Variants in KMT2C observed in about 807,000 individuals in gnomAD.
KMT2C encodes histone-lysine N-methyltransferase 2C.
Under a neutral mutation model 507.9 loss-of-function variants are expected in KMT2C, and 88 were observed. The ratio of observed to expected loss-of-function variants is 0.17; its 90% confidence interval spans 0.15 to 0.21. The LOEUF (loss-of-function observed/expected upper bound fraction) is 0.21, where lower values mean the gene tolerates loss of function less well. KMT2C is among the 10% of genes least tolerant of loss of function. The pLI, the probability that KMT2C is intolerant of heterozygous loss-of-function variation, is 1.00. For synonymous variants in KMT2C, 2,049 were observed against 2,080.8 expected, an observed-to-expected ratio of 0.98 and a Z score of 0.42; for missense variants, 4,954 against 5,957.8, an observed-to-expected ratio of 0.83 and a Z score of 5.55.
At chr7:152,428,204 G>T (rs1268413945) in intron 1 of KMT2C, among the ~76,000 whole-genome samples, 1 of 152,122 alleles carries the variant, frequency 6.6e-6, no homozygotes, top group African/African-American at 2.4e-5. Context: ...ATAAAGCAGA[G>T]ATTGAGACCT....
At chr7:152,206,066 A>T (rs1393706997) in intron 24 of KMT2C, among the ~76,000 whole-genome samples, 2 of 152,160 alleles carry the variant, frequency 1.3e-5, no homozygotes, top group Non-Finnish European at 2.9e-5. Context: ...AATACTTCTC[A>T]ATGCCTCAGT....
chr7:152,297,912 T>C (rs1468412481), intron 6 of KMT2C, among the ~76,000 whole-genome samples: 2 of 152,188 alleles, frequency 1.3e-5, no homozygotes, highest in East Asian at 1.9e-4. Flanking sequence ...ACTGTTTTTA[T>C]ACATGTATCC....
rs188537151 is a variant in KMT2C at position 152,215,194 on chromosome 7, T to C, written c.3712+5329A>G. ...CATACAACATTATAAATATACCAGG[T>C]GATTCATTGTACTATTCACAGTAAA... On this transcript the variant is annotated intron_variant, in intron 23 of 58. Transcript: ENST00000262189. 8.1e-3 allele frequency among the ~76,000 whole-genome samples: 1,236 copies of C among 151,892 alleles called. 18 individuals carry two copies. Among genetic ancestry groups the C allele is most frequent in the African/African-American group, 0.029 (1,192 of 41,416 alleles).
intron 1 of KMT2C, among the ~76,000 whole-genome samples, chr7:152,373,088 G>A (rs2097303831): frequency 6.6e-6 from 1 of 151,864 alleles, no homozygotes; most frequent in African/African-American, 2.4e-5. Flanking sequence ...AAATCAAAAG[G>A]GAAAATCTGT....
intron 1 of KMT2C, among the ~76,000 whole-genome samples, chr7:152,411,514 A>G (rs2097683236): frequency 4.0e-5 from 6 of 151,224 alleles, no homozygotes; most frequent in Non-Finnish European, 8.8e-5. Flanking sequence ...CCACCTCCAC[A>G]CCATCTATGA....
intron 3 of KMT2C, among the ~76,000 whole-genome samples, chr7:152,319,393 A>G (rs2096750884): frequency 6.6e-6 from 1 of 152,152 alleles, no homozygotes; most frequent in African/African-American, 2.4e-5. Context: ...GGACATAGTG[A>G]GAAGTGACCA....
At chr7:152,340,935 C>G (rs1254458241) in intron 2 of KMT2C, among the ~76,000 whole-genome samples, 1 of 152,118 alleles carries the variant, frequency 6.6e-6, no homozygotes, top group African/African-American at 2.4e-5. Flanking sequence ...GTCAACTGTT[C>G]TCTAGGTGTT....
chr7:152,414,990 A>G (rs555350728), intron 1 of KMT2C, among the ~76,000 whole-genome samples: 346 of 152,190 alleles, frequency 2.3e-3, no homozygotes, highest in Non-Finnish European at 3.6e-3. Context: ...CTGAGGCAAC[A>G]GGTGCATACC....
chr7:152,325,954 T>G (rs1204574296), intron 3 of KMT2C, among the ~76,000 whole-genome samples: 2 of 151,952 alleles, frequency 1.3e-5, no homozygotes, highest in East Asian at 3.9e-4. Context: ...TCTAGCACAA[T>G]TGTTGAAAGA....
chr7:152,190,426 G>T (rs180832892), intron 31 of KMT2C, among the ~76,000 whole-genome samples: 1 of 152,216 alleles, frequency 6.6e-6, no homozygotes, highest in East Asian at 1.9e-4. Flanking sequence ...TTTATGCTAT[G>T]CTAAGCACTG....
At position 152,187,606 on chromosome 7, in the gene KMT2C, A is replaced by T. The variant is rs2093663971; in HGVS notation, c.4793+109T>A. The T allele has an allele frequency of 2.1e-6, 3 of 1,447,222 alleles. No individual in the cohort carries two copies. The African/African-American group carries it at 4.3e-5, about 21-fold the overall frequency. The allele number at this position is 1,447,222 out of a possible 1,614,324, so 89.6% of individuals were successfully genotyped here. ...CATATTTATAGCAAAAGCCACAATA[A>T]ACGCAACATACAATAATATCATACA... On this transcript the variant is annotated intron_variant, in intron 32 of 58. Transcript: ENST00000262189.
chr7:152,276,589 C>A (rs2096083951), intron 6 of KMT2C, among the ~76,000 whole-genome samples: 1 of 151,838 alleles, frequency 6.6e-6, no homozygotes, highest in African/African-American at 2.4e-5. Context: ...TCCATCTCTA[C>A]AAAAAATACA....
chr7:152,253,654 A>G (rs1374832677), intron 9 of KMT2C, among the ~76,000 whole-genome samples: 1 of 151,828 alleles, frequency 6.6e-6, no homozygotes, highest in African/African-American at 2.4e-5. Flanking sequence ...ACGCCACTAC[A>G]CTCAAGCCTG....
At chr7:152,284,399 T>G (rs1204844357) in intron 6 of KMT2C, among the ~76,000 whole-genome samples, 2 of 152,128 alleles carry the variant, frequency 1.3e-5, no homozygotes, top group Non-Finnish European at 2.9e-5. Flanking sequence ...AAATAATCCG[T>G]ATGGAAAACA....
chr7:152,295,132 T>A (rs1212193160), intron 6 of KMT2C, among the ~76,000 whole-genome samples: 1 of 152,326 alleles, frequency 6.6e-6, no homozygotes, highest in African/African-American at 2.4e-5. Flanking sequence ...TCTATTACAA[T>A]ATTTCATCTT....
At chr7:152,412,863 A>G (rs2097697469) in intron 1 of KMT2C, among the ~76,000 whole-genome samples, 1 of 152,240 alleles carries the variant, frequency 6.6e-6, no homozygotes, top group Non-Finnish European at 1.5e-5. Context: ...AAATCTTACC[A>G]ACTCAGAATC....
chr7:152,397,376 A>G (rs1352478810), intron 1 of KMT2C, among the ~76,000 whole-genome samples: 2 of 152,020 alleles, frequency 1.3e-5, no homozygotes, highest in East Asian at 3.9e-4. Context: ...CTCTACTCTA[A>G]GCCATATCTG....
intron 1 of KMT2C, among the ~76,000 whole-genome samples, chr7:152,372,588 G>C (rs1334773542): frequency 6.6e-6 from 1 of 152,092 alleles, no homozygotes; most frequent in Admixed American, 6.6e-5. Flanking sequence ...AGAGAGCAGA[G>C]GATCCTTACA....
At chr7:152,248,805 CAGAAAACCTAA>C (rs2095517527) in intron 13 of KMT2C, among the ~76,000 whole-genome samples, 185 bp from the exon 14 acceptor site, 1 of 152,176 alleles carries the variant, frequency 6.6e-6, no homozygotes, top group African/African-American at 2.4e-5. Context: ...AGCCACACAC[CAGAAAACCTAA>C]TGAAAACATT....
Sources: allele counts gnomAD v4.1 joint callset (sites outside exome capture counted in the v4.1 genomes callset), GRCh38; gene constraint gnomAD v4.1.1; transcripts MANE v1.5; gene names NCBI Gene and HGNC (gene_info 2026-07-23, HGNC 2026-07-21).